The following ITPRID2 variants were observed in gnomAD, a reference collection of about 807,000 sequenced individuals.
ITPRID2 encodes ITPR interacting domain containing 2.
Under a neutral mutation model 124.3 loss-of-function variants are expected in ITPRID2, and 60 were observed. The observed-to-expected ratio is 0.48, with a 90% CI of 0.39 to 0.60. ITPRID2 has a LOEUF of 0.60. Ranked by LOEUF, ITPRID2 falls within the 20% of genes least tolerant of loss-of-function variation. The pLI is 0.00. For synonymous variants in ITPRID2, 521 were observed against 542.9 expected, an observed-to-expected ratio of 0.96 and a Z score of 0.56; for missense variants, 1,553 against 1,512.2, an observed-to-expected ratio of 1.03 and a Z score of -0.45.
intron 7 of ITPRID2, among the ~76,000 whole-genome samples, chr2:181,901,356 A>G (rs13027534): frequency 0.021 from 3,185 of 152,296 alleles, 48 homozygotes; most frequent in South Asian, 0.05. Flanking sequence ...ATCAGTTTTA[A>G]GAGATCAATA....
In ITPRID2 at chr2:181,922,300, T is replaced by C. The variant is rs1478941731; in HGVS notation, c.3563T>C (p.Val1188Ala). The change falls in exon 16 of 18, where the codon GTA (valine) becomes GCA (alanine). Residue 1188 changes from valine (V) to alanine (A), a missense_variant. Val to Ala is a moderately conservative substitution (Grantham distance 64). Transcript: ENST00000431877. ...GCAGCTGAAGGAGCCCCAGAAGTTG[T>C]AGGACCTAAATCTGAAGTGGAAGAA... Reference protein sequence around the residue: ...VDAAEGAPEVVGPKSEVEEGH... With the variant: ...VDAAEGAPEVAGPKSEVEEGH... 6.2e-7 allele frequency: 1 copy of C among 1,614,174 alleles called. No homozygotes were observed. The highest frequency in any genetic ancestry group is 8.5e-7 in the Non-Finnish European group (1 of 1,180,034).
At chr2:181,921,846 A>C (rs774032335) in intron 15 of ITPRID2, 102 bp from the exon 16 acceptor site, 18 of 1,005,328 alleles carry the variant, frequency 1.8e-5, no homozygotes, top group Non-Finnish European at 2.5e-5. Flanking sequence ...TGTCTTTACA[A>C]ATTACATGAT....
intron 15 of ITPRID2, 122 bp downstream of exon 15, chr2:181,920,784 T>C: frequency 2.6e-6 from 2 of 783,086 alleles, no homozygotes; most frequent in Middle Eastern, 3.6e-4. Flanking sequence ...AAATTATTGT[T>C]GATTGGAAGT....
Position 181,900,723 on chromosome 2 carries a change from GGAAGATCCT to G in ITPRID2, c.537_545del (p.Asp179_Glu181del). 1 of 1,610,040 alleles carries G rather than the reference GGAAGATCCT, an allele frequency of 6.2e-7. No individual in the cohort carries two copies. The highest frequency in any genetic ancestry group is 8.5e-7 in the Non-Finnish European group (1 of 1,178,424). On this transcript the variant is annotated inframe_deletion, in exon 7 of 18. Transcript: ENST00000431877. Reference sequence around the variant, plus strand: ...TTTCAGAATTGTTGGAACTTTATGAGGAAGATCCTGAAGAAATTCTTTATAATCTTGGAT... The same window carrying G: ...TTTCAGAATTGTTGGAACTTTATGAGGAAGAAATTCTTTATAATCTTGGAT...
Position 181,900,685 on chromosome 2 carries a change from T to C in ITPRID2, c.504-11T>C, listed in dbSNP as rs779003826. 5.7e-6 allele frequency: 9 copies of C among 1,575,728 alleles called. No individual in the cohort carries two copies. The highest frequency in any genetic ancestry group is 3.7e-5 in the Admixed American group (2 of 54,410). On this transcript the variant is annotated splice_polypyrimidine_tract_variant and intron_variant, in intron 6 of 17. Transcript: ENST00000431877. ...TTTTCATGTTTCCTTTTTTGCCCCCTTTTTTTGTAGTGTTTCAGAATTGTT... is the reference window on the plus strand; with the variant it reads ...TTTTCATGTTTCCTTTTTTGCCCCCCTTTTTTGTAGTGTTTCAGAATTGTT...
chr2:181,915,712 T>G lies in ITPRID2; in HGVS notation c.2072T>G (p.Val691Gly), dbSNP rs750401994. ...GGGCCTCCCTCTTCCATGGACAGAG[T>G]TAATACAGCTTTGCAAAGAGCTCAA... ...TTGPPSSMDR[V>G]NTALQRAQMK... The change falls in exon 11 of 18, where the codon GTT becomes GGT. Residue 691 changes from valine (V) to glycine (G), a missense_variant. Coordinates refer to ENST00000431877, the MANE Select transcript of ITPRID2 (RefSeq NM_001130445.3). The G allele has an allele frequency of 1.2e-6, 2 of 1,614,034 alleles. No homozygotes were observed. The highest frequency in any genetic ancestry group is 3.3e-5 in the Admixed American group (2 of 60,012).
Position 181,896,096 on chromosome 2 carries a change from T to G in ITPRID2, c.307+17T>G. The G allele has an allele frequency of 1.9e-6, 3 of 1,609,520 alleles. No homozygotes were observed. Among genetic ancestry groups the G allele is most frequent in the Non-Finnish European group, 2.6e-6 (3 of 1,176,000 alleles). On this transcript the variant is annotated intron_variant, in intron 3 of 17. Transcript: ENST00000431877. The surrounding 1 kb of genome is among the most constrained non-coding windows in gnomAD (Gnocchi z 4.3). Reference sequence around the variant, plus strand: ...CACTCAAGGGTAAGAGAAGGTTGCCTTTCTAAATCTGTTCTTTATGACAGT... The same window carrying G: ...CACTCAAGGGTAAGAGAAGGTTGCCGTTCTAAATCTGTTCTTTATGACAGT...
chr2:181,920,169 G>C (rs1183483476), intron 14 of ITPRID2, among the ~76,000 whole-genome samples: 1 of 152,042 alleles, frequency 6.6e-6, no homozygotes. Flanking sequence ...TTGTTAAAAA[G>C]AAATGGATGA....
At chr2:181,895,178 CG>C (rs1692083518) in intron 2 of ITPRID2, among the ~76,000 whole-genome samples, 1 of 151,920 alleles carries the variant, frequency 6.6e-6, no homozygotes, top group Non-Finnish European at 1.5e-5. Flanking sequence ...TCCCATGTCT[CG>C]TGAATTTTTA....
chr2:181,903,190 G>T lies in ITPRID2; in HGVS notation c.1413+724G>T, dbSNP rs78502565. ...AATAGTAGGAGCTGAATAGCTTGGG[G>T]CAGGAAAACTGATTTTACCAAGCAT... On this transcript the variant is annotated intron_variant, in intron 8 of 17. Coordinates refer to ENST00000431877, the MANE Select transcript of ITPRID2 (RefSeq NM_001130445.3). 5.7e-3 allele frequency among the ~76,000 whole-genome samples: 873 copies of T among 152,282 alleles called. 7 individuals are homozygous for T. Among genetic ancestry groups the T allele is most frequent in the African/African-American group, 0.02 (830 of 41,550 alleles).
intron 15 of ITPRID2, 134 bp downstream of exon 15, chr2:181,920,796 A>T: frequency 1.4e-6 from 1 of 734,250 alleles, no homozygotes; most frequent in Non-Finnish European, 2.2e-6. Flanking sequence ...ATTGGAAGTG[A>T]CTTTCACCTT....
chr2:181,924,913 T>A (rs1241397808), intron 16 of ITPRID2, among the ~76,000 whole-genome samples: 1 of 152,200 alleles, frequency 6.6e-6, no homozygotes, highest in African/African-American at 2.4e-5. Flanking sequence ...CCTGAAACTG[T>A]TTGCAGTTAC....
intron 7 of ITPRID2, 94 bp downstream of exon 7, chr2:181,900,998 C>A: frequency 1.0e-6 from 1 of 975,592 alleles, no homozygotes; most frequent in Non-Finnish European, 1.5e-6. Flanking sequence ...TCAGGAATAG[C>A]ACTGGAAAGT....
chr2:181,929,857 T>G lies in ITPRID2; in HGVS notation c.*310T>G, dbSNP rs971211771. ...GAATTAATTTTAAAACTTGAAGACT[T>G]CCAGACTTATCCAACTTATAAATAA... On this transcript the variant is annotated 3_prime_UTR_variant, in exon 18 of 18. Coordinates refer to ENST00000431877, the MANE Select transcript of ITPRID2 (RefSeq NM_001130445.3). 5.5e-6 allele frequency: 2 copies of G among 365,720 alleles called. No individual in the cohort carries two copies. The highest frequency in any genetic ancestry group is 4.9e-6 in the Non-Finnish European group (1 of 204,768). 22.7% of individuals were successfully genotyped at this position (365,720 alleles called of 1,614,324 possible). A position where few individuals can be genotyped will look rare whatever the true frequency, so the allele number is the denominator to read the frequency against.
chr2:181,902,418 C>A lies in ITPRID2; in HGVS notation c.1365C>A (p.Ser455=). ...CTTGTGCACCACTGACAATACCATC[C>A]ATAAGAAATATAATGACACAGCAGA... ...KEPCAPLTIP[S]IRNIMTQQKD... is the part of the protein sequence containing the mutation. The change falls in exon 8 of 18, where the codon TCC becomes TCA. Residue 455 remains serine (S), a synonymous_variant. Coordinates refer to ENST00000431877, the MANE Select transcript of ITPRID2 (RefSeq NM_001130445.3). The surrounding 1 kb of genome is among the most constrained non-coding windows in gnomAD (Gnocchi z 4.4). The A allele has an allele frequency of 1.9e-6, 3 of 1,606,236 alleles. No homozygotes were observed. Among genetic ancestry groups the A allele is most frequent in the Non-Finnish European group, 1.7e-6 (2 of 1,177,734 alleles).
chr2:181,921,862 G>T, intron 15 of ITPRID2, 86 bp from the exon 16 acceptor site: 3 of 1,129,060 alleles, frequency 2.7e-6, no homozygotes, highest in South Asian at 1.5e-5. Flanking sequence ...ATGATTTTAG[G>T]CAATAATGAC....
chr2:181,904,595 T>G (rs564482879), intron 8 of ITPRID2, among the ~76,000 whole-genome samples: 3 of 152,350 alleles, frequency 2.0e-5, no homozygotes, highest in Admixed American at 2.0e-4. Context: ...GACTTTTAGA[T>G]CCTATTCAGT....
chr2:181,909,776 A>C, intron 8 of ITPRID2, 123 bp from the exon 9 acceptor site: 1 of 535,306 alleles, frequency 1.9e-6, no homozygotes. Flanking sequence ...TAAAGTTTGA[A>C]TATATATATA....
chr2:181,923,544 T>C (rs1694637520), intron 16 of ITPRID2, among the ~76,000 whole-genome samples: 1 of 152,236 alleles, frequency 6.6e-6, no homozygotes, highest in South Asian at 2.1e-4. Flanking sequence ...TTCACCCTAC[T>C]CGGTCAGGTG....
Sources: gnomAD v4.1 joint callset for allele counts (sites outside exome capture counted in the v4.1 genomes callset) on GRCh38, gnomAD v4.1.1 for gene constraint, Gnocchi (gnomAD v3.1) non-coding constraint, MANE v1.5 for transcripts, NCBI Gene and HGNC (gene_info 2026-07-23, HGNC 2026-07-21) for gene names.